Variants in EYS observed in about 807,000 individuals in gnomAD.
EYS encodes EGF-like photoreceptor maintenance factor, also known as protein eyes shut homolog.
A neutral mutation model predicts 282.1 loss-of-function variants in EYS; 250 were observed. The observed-to-expected ratio is 0.89, with a 90% CI of 0.80 to 0.98. EYS has a LOEUF of 0.98. Ranked by LOEUF, EYS falls within the 50% of genes least tolerant of loss-of-function variation. The probability of loss-of-function intolerance (pLI) is 0.00; values close to 1 mark genes in which losing one functional copy is unlikely to be tolerated. For missense variants in EYS, 4,016 were observed against 3,709.0 expected, an observed-to-expected ratio of 1.08 and a Z score of -2.15; for synonymous variants, 1,355 against 1,282.9, an observed-to-expected ratio of 1.06 and a Z score of -1.20.
chr6:65,201,335 T>G (rs550905112), intron 12 of EYS, among the ~76,000 whole-genome samples: 78 of 152,318 alleles, frequency 5.1e-4, no homozygotes, highest in African/African-American at 1.9e-3. Context: ...TTTTACTAAA[T>G]TCCAGCATTT....
intron 33 of EYS, among the ~76,000 whole-genome samples, chr6:64,044,003 C>A (rs1770510102): frequency 6.6e-6 from 1 of 152,182 alleles, no homozygotes; most frequent in Admixed American, 6.5e-5. Context: ...CCTTCCCCTG[C>A]AACTCCTGGA....
At chr6:63,728,384 C>A (rs1308501346) in intron 41 of EYS, among the ~76,000 whole-genome samples, 1 of 152,128 alleles carries the variant, frequency 6.6e-6, no homozygotes, top group Non-Finnish European at 1.5e-5. Flanking sequence ...CCTATCACTT[C>A]TTTTAAATAC....
intron 14 of EYS, 92 bp from the exon 15 acceptor site, chr6:64,946,006 T>C: frequency 8.0e-6 from 8 of 998,796 alleles, no homozygotes; most frequent in Non-Finnish European, 8.3e-6. Context: ...GATATCTCTG[T>C]CAATTTATAA....
At chr6:65,280,862 A>AT (rs1246568959) in intron 12 of EYS, among the ~76,000 whole-genome samples, 27 of 135,442 alleles carry the variant, frequency 2.0e-4, no homozygotes, top group Middle Eastern at 3.8e-3. Context: ...TACTAAAAAA[A>AT]AAAATATATA....
intron 33 of EYS, among the ~76,000 whole-genome samples, chr6:64,031,817 A>G (rs1255816881): frequency 6.6e-6 from 1 of 152,124 alleles, no homozygotes; most frequent in African/African-American, 2.4e-5. Context: ...AAACGCACCA[A>G]TCAGCACCCT....
intron 12 of EYS, among the ~76,000 whole-genome samples, chr6:65,247,411 C>T (rs6905713): frequency 0.32 from 48,106 of 151,836 alleles, 8,460 homozygotes; most frequent in African/African-American, 0.47. Context: ...TTTTACCCTG[C>T]TGTATTTTCT....
chr6:65,156,467 C>T (rs1238888927), intron 12 of EYS, among the ~76,000 whole-genome samples: 4 of 151,102 alleles, frequency 2.6e-5, no homozygotes, highest in African/African-American at 7.3e-5. Context: ...CCTTCAGTTC[C>T]CTTTCCTCCT....
intron 12 of EYS, among the ~76,000 whole-genome samples, chr6:65,250,383 G>A (rs1767290418): frequency 6.6e-6 from 1 of 151,916 alleles, no homozygotes; most frequent in Non-Finnish European, 1.5e-5. Context: ...TATTAGCTGA[G>A]GGGAAGAGAC....
intron 2 of EYS, among the ~76,000 whole-genome samples, chr6:65,575,498 C>T (rs1235342876): frequency 6.6e-6 from 1 of 151,184 alleles, no homozygotes; most frequent in African/African-American, 2.4e-5. Context: ...AGGAAAAGAT[C>T]CCAGATAAAC....
chr6:65,005,853 C>G (rs893326452), intron 13 of EYS, among the ~76,000 whole-genome samples: 2 of 152,230 alleles, frequency 1.3e-5, no homozygotes, highest in Admixed American at 6.5e-5. Flanking sequence ...GTCGCCCATG[C>G]GTGCACCCCT....
At chr6:64,223,746 C>T (rs779077526) in intron 31 of EYS, among the ~76,000 whole-genome samples, 11 of 151,834 alleles carry the variant, frequency 7.2e-5, no homozygotes, top group Admixed American at 1.3e-4. Context: ...TGGGTATACA[C>T]GTAATGTATA....
At chr6:64,896,394 T>G (rs1186807360) in intron 18 of EYS, among the ~76,000 whole-genome samples, 1 of 152,116 alleles carries the variant, frequency 6.6e-6, no homozygotes, top group African/African-American at 2.4e-5. Flanking sequence ...GGGATGGTGC[T>G]ATCTGGCACA....
intron 35 of EYS, among the ~76,000 whole-genome samples, chr6:63,937,474 G>C (rs909175181): frequency 7.1e-6 from 1 of 140,960 alleles, no homozygotes; most frequent in Non-Finnish European, 1.5e-5. Flanking sequence ...TCCGCCTCCC[G>C]GGTTCACGCC....
At chr6:64,207,883 T>G (rs1399589721) in intron 31 of EYS, among the ~76,000 whole-genome samples, 2 of 152,130 alleles carry the variant, frequency 1.3e-5, no homozygotes, top group African/African-American at 4.8e-5. Context: ...GGTCTCGAAC[T>G]CCTGACCTCA....
intron 22 of EYS, among the ~76,000 whole-genome samples, chr6:64,769,039 T>C (rs569223714): frequency 6.6e-6 from 1 of 152,194 alleles, no homozygotes; most frequent in South Asian, 2.1e-4. Flanking sequence ...TGCCAGCTAG[T>C]CACTTTCATA....
Position 64,890,045 on chromosome 6 carries a change from GCCC to G in EYS, c.2847-3206_2847-3204del, listed in dbSNP as rs34002004. On this transcript the variant is annotated intron_variant, in intron 18 of 42. Coordinates refer to ENST00000503581, the MANE Select transcript of EYS (RefSeq NM_001142800.2). The stretch of plus-strand genomic sequence containing the variant: ...CACCTGGAGGTATAGGCCTATAAAT[GCCC>G]CCCCCCCCCAAGGTGTGCCCATCTC... Among the ~76,000 whole-genome samples, 146 of 140,542 alleles carry G rather than the reference GCCC, an allele frequency of 1.0e-3. 2 individuals carry two copies. The highest frequency in any genetic ancestry group is 2.7e-3 in the African/African-American group (92 of 34,402). The allele number at this position is 140,542 out of a possible 152,430, so 92.2% of individuals were successfully genotyped here.
chr6:64,685,698 T>A (rs1562132891), intron 22 of EYS, among the ~76,000 whole-genome samples: 2 of 152,206 alleles, frequency 1.3e-5, no homozygotes, highest in African/African-American at 4.8e-5. Flanking sequence ...GGCATTTTTT[T>A]CTTTATAAAT....
chr6:64,985,946 C>T (rs1277527052), intron 14 of EYS, among the ~76,000 whole-genome samples: 2 of 151,530 alleles, frequency 1.3e-5, no homozygotes, highest in African/African-American at 2.4e-5. Context: ...CTACTTATCA[C>T]GTTTTCCAGA....
chr6:65,232,682 T>C (rs910740945), intron 12 of EYS, among the ~76,000 whole-genome samples: 3 of 152,080 alleles, frequency 2.0e-5, no homozygotes, highest in African/African-American at 7.2e-5. Context: ...TGATTTAGCT[T>C]CTGTTTTTAC....
Sources: allele counts gnomAD v4.1 joint callset (sites outside exome capture counted in the v4.1 genomes callset), GRCh38; gene constraint gnomAD v4.1.1; transcripts MANE v1.5; gene names NCBI Gene and HGNC (gene_info 2026-07-23, HGNC 2026-07-21).